The following EDC3 variants were observed in gnomAD, a reference collection of about 807,000 sequenced individuals.
EDC3 encodes enhancer of mRNA-decapping protein 3.
In EDC3, 20 loss-of-function variants were observed where a neutral mutation model predicts 41.8. The ratio of observed to expected loss-of-function variants is 0.48; its 90% CI spans 0.34 to 0.70. The LOEUF is 0.70. EDC3 is among the 30% of genes least tolerant of loss of function. The pLI, the probability that EDC3 is intolerant of heterozygous loss-of-function variation, is 0.01. For synonymous variants in EDC3, 206 were observed against 243.2 expected (o/e 0.85, Z 1.42); for missense variants, 444 against 636.8 (o/e 0.70, Z 3.26).
intron 4 of EDC3, among the ~76,000 whole-genome samples, chr15:74,653,515 C>CT (rs1351187659): frequency 2.0e-5 from 3 of 152,112 alleles, no homozygotes; most frequent in Non-Finnish European, 4.4e-5. Flanking sequence ...ACAGACGCTG[C>CT]TTGGCAAAAG....
chr15:74,693,899 G>A lies in EDC3; in HGVS notation c.-19+1981C>T, dbSNP rs188795895. 7.4e-4 allele frequency among the ~76,000 whole-genome samples: 112 copies of A among 152,062 alleles called. 3 individuals carry two copies. In the Middle Eastern group the frequency reaches 0.014, roughly 18 times the overall value. ...CTTGGGAGGCTGAGGCAGGAGAATC[G>A]CTTGAACCAGGAGGCAGAGGTTACA... is the stretch of plus-strand genomic sequence containing the variant. On this transcript the variant is annotated intron_variant, in intron 1 of 6. Coordinates refer to ENST00000315127, the MANE Select transcript of EDC3 (RefSeq NM_025083.5).
intron 6 of EDC3, among the ~76,000 whole-genome samples, chr15:74,634,043 C>G (rs1278320750): frequency 1.3e-5 from 2 of 152,158 alleles, no homozygotes; most frequent in Non-Finnish European, 2.9e-5. Flanking sequence ...GGAGTCCCTT[C>G]TCTGGGCCAT....
Position 74,671,740 on chromosome 15 carries a change from T to A in EDC3, c.199A>T (p.Ile67Leu). ...TGTTGGTTGTCTCCAGGTCCTGGTA[T>A]CTCCAGAATTTTTAACTCCGTAATG... ...GDITELKILEIPGPGDNQHFG... is the reference protein window; with the variant it reads ...GDITELKILELPGPGDNQHFG... Residue 67 changes from isoleucine to leucine, a missense_variant, in exon 3 of 7, where the codon ATA becomes TTA. Around this residue, in one of 3 missense-constraint regions of EDC3, gnomAD observed 200 missense variants for 244.0 expected, o/e 0.82. Transcript: ENST00000315127. This position sits in a 1 kb window ranked among gnomAD's most constrained non-coding sequence, Gnocchi z 4.6. 1 of 1,614,124 alleles carries A rather than the reference T, an allele frequency of 6.2e-7. No homozygotes were observed. The highest frequency in any genetic ancestry group is 1.1e-5 in the South Asian group (1 of 91,082).
intron 1 of EDC3, among the ~76,000 whole-genome samples, chr15:74,679,347 TAAC>T (rs2062843210): frequency 6.6e-6 from 1 of 152,064 alleles, no homozygotes; most frequent in South Asian, 2.1e-4. Context: ...AACAAGATAT[TAAC>T]AAATCAAATC....
At chr15:74,633,360 C>T (rs1398399599) in intron 6 of EDC3, among the ~76,000 whole-genome samples, 1 of 152,248 alleles carries the variant, frequency 6.6e-6, no homozygotes, top group Non-Finnish European at 1.5e-5. Flanking sequence ...GGAAACCCCA[C>T]TCAGGTCCAG....
At chr15:74,669,002 G>A (rs1028928060) in intron 3 of EDC3, among the ~76,000 whole-genome samples, 3 of 152,098 alleles carry the variant, frequency 2.0e-5, no homozygotes, top group African/African-American at 7.2e-5. Context: ...TGGGGAGGCC[G>A]AGGCAGGCAG....
At chr15:74,673,224 A>T (rs2062759928) in intron 2 of EDC3, among the ~76,000 whole-genome samples, 1 of 152,154 alleles carries the variant, frequency 6.6e-6, no homozygotes, top group Non-Finnish European at 1.5e-5. Flanking sequence ...CCAAGCAAGA[A>T]ATAAGAGGGG....
At chr15:74,635,296 C>G (rs1209822235) in intron 6 of EDC3, 113 bp downstream of exon 6, 6 of 970,316 alleles carry the variant, frequency 6.2e-6, no homozygotes, top group Non-Finnish European at 8.2e-6. Context: ...AGGCGAAGCA[C>G]CATCCTTACA....
intron 1 of EDC3, among the ~76,000 whole-genome samples, chr15:74,677,870 A>T (rs1433542139): frequency 6.6e-6 from 1 of 152,174 alleles, no homozygotes; most frequent in Admixed American, 6.6e-5. Context: ...TGAATGGATG[A>T]ATGAACTATG....
intron 4 of EDC3, among the ~76,000 whole-genome samples, chr15:74,650,382 C>T (rs570269305): frequency 6.6e-6 from 1 of 152,308 alleles, no homozygotes; most frequent in Admixed American, 6.5e-5. Context: ...TTTACTCATA[C>T]TATTCACCTG....
rs775326776 is a variant in EDC3 at position 74,665,964 on chromosome 15, AT to A, written c.484+5490del. Among the ~76,000 whole-genome samples, 429 of 151,966 alleles carry A rather than the reference AT, an allele frequency of 2.8e-3. 5 individuals carry two copies. Among genetic ancestry groups the A allele is most frequent in the East Asian group, 0.024 (126 of 5,160 alleles). ...AGGCACCCACCACCACACCCAGCTGATTTTTTGTATTTGTGTACAGACGGGG... is the reference window on the plus strand; with the variant it reads ...AGGCACCCACCACCACACCCAGCTGATTTTTGTATTTGTGTACAGACGGGG... On this transcript the variant is annotated intron_variant, in intron 3 of 6. Transcript: ENST00000315127.
intron 1 of EDC3, among the ~76,000 whole-genome samples, chr15:74,679,491 G>A (rs768750396): frequency 2.6e-5 from 4 of 152,016 alleles, no homozygotes; most frequent in South Asian, 2.1e-4. Flanking sequence ...AATCATAAAC[G>A]TTATCACATC....
intron 1 of EDC3, among the ~76,000 whole-genome samples, chr15:74,688,100 C>A (rs1051059119): frequency 6.6e-6 from 1 of 152,184 alleles, no homozygotes; most frequent in African/African-American, 2.4e-5. Context: ...TCCCTTTCCT[C>A]AGAAACTTCC....
At chr15:74,657,833 C>T (rs1362502917) in intron 3 of EDC3, among the ~76,000 whole-genome samples, 1 of 152,210 alleles carries the variant, frequency 6.6e-6, no homozygotes, top group African/African-American at 2.4e-5. Flanking sequence ...GACTTACAAA[C>T]CTTTCTTTAG....
chr15:74,641,310 C>T (rs1391937819), intron 4 of EDC3: 1 of 152,146 alleles, frequency 6.6e-6, no homozygotes, highest in Non-Finnish European at 1.5e-5. Context: ...CTATGGCTGG[C>T]TTTAAAAAAG....
chr15:74,655,863 A>G lies in EDC3; in HGVS notation c.690T>C (p.Gly230=). ...EEIDTYERRS[G]TRSRGIPNER... ...CATTTGGGATGCCCCGGGAACGGGTACCACTTCTCCTTTCATAGGTATCAA... is the reference window on the plus strand; with the variant it reads ...CATTTGGGATGCCCCGGGAACGGGTGCCACTTCTCCTTTCATAGGTATCAA... Residue 230 remains glycine (G), a synonymous_variant, in exon 4 of 7, where the codon GGT becomes GGC. Transcript: ENST00000315127. The G allele has an allele frequency of 6.2e-7, 1 of 1,614,142 alleles. No individual in the cohort carries two copies. Among genetic ancestry groups the G allele is most frequent in the South Asian group, 1.1e-5 (1 of 91,074 alleles).
intron 3 of EDC3, among the ~76,000 whole-genome samples, chr15:74,663,819 G>A (rs1022577648): frequency 9.9e-5 from 15 of 151,990 alleles, no homozygotes; most frequent in Admixed American, 2.6e-4. Flanking sequence ...TGTAAAGTTC[G>A]TTCACAGCAT....
In EDC3 at chr15:74,675,113, A is replaced by G. The variant is rs1188145678; in HGVS notation, c.12T>C (p.Asp4=). The change falls in exon 2 of 7, where the codon GAT becomes GAC. Residue 4 remains aspartate, a synonymous_variant. Coordinates refer to ENST00000315127, the MANE Select transcript of EDC3 (RefSeq NM_025083.5). ...TGATGGACACAATACTTCCCAGCCA[A>G]TCTGTAGCCATGTTTCACACGTGAG... MAT[D]WLGSIVSINC... 3 of 1,613,212 alleles carry G rather than the reference A, an allele frequency of 1.9e-6. No homozygotes were observed. Among genetic ancestry groups the G allele is most frequent in the Admixed American group, 1.7e-5 (1 of 60,000 alleles).
At chr15:74,674,240 G>C (rs567218274) in intron 2 of EDC3, among the ~76,000 whole-genome samples, 1 of 152,060 alleles carries the variant, frequency 6.6e-6, no homozygotes, top group South Asian at 2.1e-4. Context: ...GAGTAGCTGC[G>C]ATTACAGGCA....
Sources: gnomAD v4.1 joint callset for allele counts (sites outside exome capture counted in the v4.1 genomes callset) on GRCh38, gnomAD v4.1.1 for gene constraint, gnomAD v4.1.1 regional missense constraint, Gnocchi (gnomAD v3.1) non-coding constraint, MANE v1.5 for transcripts, NCBI Gene and HGNC (gene_info 2026-07-23, HGNC 2026-07-21) for gene names.